Variants in RAB28 observed in about 807,000 individuals in gnomAD.
The protein encoded by RAB28 is ras-related protein Rab-28.
Under a neutral mutation model 31.7 loss-of-function variants are expected in RAB28, and 24 were observed. The observed-to-expected ratio is 0.76, with a 90% CI of 0.55 to 1.06. RAB28 has a LOEUF of 1.06. Among genes scored for constraint, RAB28 ranks in the 50% least tolerant of loss-of-function variants. The probability of loss-of-function intolerance (pLI) is 0.00; values close to 1 mark genes in which losing one functional copy is unlikely to be tolerated. For synonymous variants in RAB28, 100 were observed against 90.4 expected, an observed-to-expected ratio of 1.11 and a Z score of -0.60; for missense variants, 254 against 258.5, an observed-to-expected ratio of 0.98 and a Z score of 0.12.
intron 4 of RAB28, among the ~76,000 whole-genome samples, chr4:13,415,298 T>C (rs536025884): frequency 3.4e-4 from 52 of 152,316 alleles, no homozygotes; most frequent in African/African-American, 1.2e-3. Context: ...GCTCCCACTT[T>C]GGCGGCACTT....
At chr4:13,401,415 T>C (rs1223159381) in intron 4 of RAB28, among the ~76,000 whole-genome samples, 1 of 152,062 alleles carries the variant, frequency 6.6e-6, no homozygotes, top group Non-Finnish European at 1.5e-5. Context: ...TTAGGAGAAA[T>C]ACCTAATGTA....
intron 4 of RAB28, among the ~76,000 whole-genome samples, chr4:13,453,203 GTTTA>G (rs1463920835): frequency 2.0e-5 from 3 of 151,940 alleles, no homozygotes; most frequent in Admixed American, 2.0e-4. Context: ...GTCTTGTTTT[GTTTA>G]TTTGTCTTAA....
chr4:13,457,063 C>T (rs1364736819), intron 4 of RAB28, among the ~76,000 whole-genome samples: 2 of 152,156 alleles, frequency 1.3e-5, no homozygotes, highest in Non-Finnish European at 2.9e-5. Context: ...TTTCCACAGC[C>T]TACACATTTC....
chr4:13,449,747 T>G (rs183499995), intron 4 of RAB28, among the ~76,000 whole-genome samples: 202 of 152,052 alleles, frequency 1.3e-3, no homozygotes, highest in African/African-American at 4.6e-3. Flanking sequence ...TAGAAATCAT[T>G]CATCCATCCA....
At chr4:13,371,248 C>T (rs1277930939) in intron 6 of RAB28, 3 of 985,230 alleles carry the variant, frequency 3.0e-6, no homozygotes, top group Non-Finnish European at 3.6e-6. Flanking sequence ...GGCACTCTGC[C>T]TGATGCTATC....
At chr4:13,443,151 A>G (rs761370909) in intron 4 of RAB28, among the ~76,000 whole-genome samples, 13 of 152,204 alleles carry the variant, frequency 8.5e-5, no homozygotes, top group Non-Finnish European at 1.8e-4. Flanking sequence ...AAAATCTTAA[A>G]ACAACAACTA....
intron 4 of RAB28, among the ~76,000 whole-genome samples, chr4:13,414,793 A>C (rs1712651786): frequency 6.6e-6 from 1 of 152,244 alleles, no homozygotes; most frequent in African/African-American, 2.4e-5. Context: ...AGATCTTTTT[A>C]TGTAATCCAT....
intron 3 of RAB28, among the ~76,000 whole-genome samples, chr4:13,464,469 T>C (rs1302425850): frequency 1.3e-5 from 2 of 152,084 alleles, no homozygotes; most frequent in Middle Eastern, 3.4e-3. Context: ...AAGGTCACAG[T>C]CCCGAAATAC....
intron 4 of RAB28, among the ~76,000 whole-genome samples, chr4:13,439,522 T>C (rs1560293796): frequency 6.6e-6 from 1 of 151,976 alleles, no homozygotes; most frequent in Non-Finnish European, 1.5e-5. Flanking sequence ...AATTGTTGTA[T>C]CTTTAGTAGA....
chr4:13,441,062 G>A (rs541131527), intron 4 of RAB28, among the ~76,000 whole-genome samples: 3 of 152,082 alleles, frequency 2.0e-5, no homozygotes, highest in African/African-American at 7.2e-5. Context: ...TTTTTCCCTC[G>A]CTGTGATACA....
chr4:13,436,055 T>C (rs1714084941), intron 4 of RAB28, among the ~76,000 whole-genome samples: 1 of 152,124 alleles, frequency 6.6e-6, no homozygotes, highest in African/African-American at 2.4e-5. Flanking sequence ...GTTCAGCATA[T>C]ACAAATCAAT....
chr4:13,427,894 G>C (rs1713596814), intron 4 of RAB28, among the ~76,000 whole-genome samples: 1 of 152,180 alleles, frequency 6.6e-6, no homozygotes, highest in South Asian at 2.1e-4. Context: ...AAAGAACGAA[G>C]TGCTTTATTC....
At chr4:13,413,693 A>G (rs892201681) in intron 4 of RAB28, among the ~76,000 whole-genome samples, 6 of 152,206 alleles carry the variant, frequency 3.9e-5, no homozygotes, top group Non-Finnish European at 7.3e-5. Flanking sequence ...AAAAGAAGAG[A>G]TAGTTTTTTT....
intron 4 of RAB28, among the ~76,000 whole-genome samples, chr4:13,387,569 G>A (rs951857808): frequency 6.6e-6 from 1 of 152,010 alleles, no homozygotes; most frequent in Admixed American, 6.6e-5. Flanking sequence ...GCTGAAGTAT[G>A]AGAAGTAATT....
At chr4:13,416,355 C>T (rs1472153342) in intron 4 of RAB28, among the ~76,000 whole-genome samples, 1 of 152,094 alleles carries the variant, frequency 6.6e-6, no homozygotes, top group African/African-American at 2.4e-5. Flanking sequence ...GAAGAAACTC[C>T]GAATATATCC....
intron 4 of RAB28, among the ~76,000 whole-genome samples, chr4:13,408,909 A>T (rs1365484103): frequency 6.6e-6 from 1 of 152,204 alleles, no homozygotes; most frequent in Non-Finnish European, 1.5e-5. Context: ...CATTTCAATG[A>T]TATAAATATA....
At position 13,405,946 on chromosome 4, in the gene RAB28, A is replaced by C. The variant is rs1712053448; in HGVS notation, c.392-24352T>G. Among the ~76,000 whole-genome samples the C allele has an allele frequency of 3.3e-5, 5 of 152,188 alleles. No homozygotes were observed. In the South Asian group the frequency reaches 1.0e-3, roughly 31 times the overall value. On this transcript the variant is annotated intron_variant, in intron 4 of 6. Coordinates refer to ENST00000330852, the MANE Select transcript of RAB28 (RefSeq NM_001017979.3). ...ATAATTATAAATAGAAAAATGAGAAAACTATGGGAAATCCAATCAATGGAA... is the reference window on the plus strand; with the variant it reads ...ATAATTATAAATAGAAAAATGAGAACACTATGGGAAATCCAATCAATGGAA...
intron 4 of RAB28, among the ~76,000 whole-genome samples, chr4:13,419,516 C>A (rs1712995703): frequency 6.6e-6 from 1 of 152,168 alleles, no homozygotes; most frequent in Non-Finnish European, 1.5e-5. Flanking sequence ...CACTCCTCAG[C>A]AAATGTAAAA....
chr4:13,419,088 G>A (rs1380550506), intron 4 of RAB28, among the ~76,000 whole-genome samples: 1 of 151,984 alleles, frequency 6.6e-6, no homozygotes, highest in African/African-American at 2.4e-5. Flanking sequence ...AAAAAAAGCA[G>A]GGGTTGCAAT....
Sources: allele counts gnomAD v4.1 joint callset (sites outside exome capture counted in the v4.1 genomes callset), GRCh38; gene constraint gnomAD v4.1.1; transcripts MANE v1.5; gene names NCBI Gene and HGNC (gene_info 2026-07-23, HGNC 2026-07-21).